Variants in TRPM6 observed in about 807,000 individuals in gnomAD.
The protein encoded by TRPM6 is transient receptor potential cation channel subfamily M member 6, also known as channel kinase 2.
TRPM6 carries 111 observed loss-of-function variants against 247.6 expected under a neutral mutation model. The ratio of observed to expected loss-of-function variants is 0.45; its 90% confidence interval spans 0.38 to 0.52. TRPM6 has a LOEUF of 0.52. TRPM6 is among the 20% of genes least tolerant of loss of function. The pLI, the probability that TRPM6 is intolerant of heterozygous loss-of-function variation, is 0.00. For synonymous variants in TRPM6, 892 were observed against 853.8 expected, an observed-to-expected ratio of 1.04 and a Z score of -0.78; for missense variants, 2,126 against 2,421.5, an observed-to-expected ratio of 0.88 and a Z score of 2.56.
chr9:74,779,990 G>A (rs897579092), intron 23 of TRPM6, among the ~76,000 whole-genome samples: 2 of 151,964 alleles, frequency 1.3e-5, no homozygotes, highest in African/African-American at 4.8e-5. Flanking sequence ...TGGCCAATAT[G>A]GTGAAACTCT....
intron 4 of TRPM6, among the ~76,000 whole-genome samples, chr9:74,840,975 C>A (rs79452307): frequency 0.014 from 2,188 of 152,168 alleles, 22 homozygotes; most frequent in Middle Eastern, 0.037. Flanking sequence ...AATGCTATGG[C>A]TTTCTGTTTA....
intron 1 of TRPM6, among the ~76,000 whole-genome samples, chr9:74,867,852 T>G (rs1353258975): frequency 7.5e-6 from 1 of 134,098 alleles, no homozygotes; most frequent in Non-Finnish European, 1.7e-5. Flanking sequence ...ATTCATTCAT[T>G]TAAAAAAAAA....
chr9:74,887,757 CG>C (rs1178340697), intron 1 of TRPM6, 66 bp downstream of exon 1: 1 of 1,613,764 alleles, frequency 6.2e-7, no homozygotes. Context: ...TATCTAAGGC[CG>C]GGGGCGCAGA....
intron 14 of TRPM6, chr9:74,804,481 C>G: frequency 1.5e-6 from 1 of 668,674 alleles, no homozygotes; most frequent in Non-Finnish European, 2.7e-6. Flanking sequence ...ATAAGCTTGC[C>G]TGATCTCTAT....
At position 74,808,118 on chromosome 9, in the gene TRPM6, T is replaced by C. The variant is rs371011034; in HGVS notation, c.1554A>G (p.Glu518=). ...TGCGATATGCTCTACCAATGAGGTA[T>C]TCTACTACTAATCCAATGTCAATCA... ...ITLIDIGLVV[E]YLIGRAYRSN... The change falls in exon 14 of 39, where the codon GAA becomes GAG. Residue 518 remains glutamate (E), a synonymous_variant. Transcript: ENST00000360774. 1.2e-5 allele frequency: 19 copies of C among 1,613,890 alleles called. No homozygotes were observed. The highest frequency in any genetic ancestry group is 1.5e-5 in the Non-Finnish European group (18 of 1,179,934).
At chr9:74,843,091 A>G (rs2118213571) in intron 3 of TRPM6, among the ~76,000 whole-genome samples, 1 of 152,300 alleles carries the variant, frequency 6.6e-6, no homozygotes, top group Non-Finnish European at 1.5e-5. Flanking sequence ...TCATATTCTA[A>G]ATCCTTTGTT....
chr9:74,749,486 T>C (rs1391061757), intron 30 of TRPM6, among the ~76,000 whole-genome samples: 2 of 152,172 alleles, frequency 1.3e-5, no homozygotes, highest in African/African-American at 4.8e-5. Flanking sequence ...AACTAAAGGA[T>C]TCCTGAACTA....
chr9:74,763,979 T>C (rs1348767255), intron 25 of TRPM6, among the ~76,000 whole-genome samples: 7 of 152,016 alleles, frequency 4.6e-5, no homozygotes, highest in Non-Finnish European at 8.8e-5. Context: ...TGAAATCCCA[T>C]CTCTACTAAA....
intron 1 of TRPM6, among the ~76,000 whole-genome samples, chr9:74,883,406 A>G (rs1831427098): frequency 1.3e-5 from 2 of 152,190 alleles, no homozygotes; most frequent in African/African-American, 4.8e-5. Context: ...AACCAAATTA[A>G]AGCTGAAACT....
intron 2 of TRPM6, among the ~76,000 whole-genome samples, chr9:74,855,780 A>T (rs1326258986): frequency 6.6e-6 from 1 of 152,208 alleles, no homozygotes; most frequent in Non-Finnish European, 1.5e-5. Context: ...TTTAGAACCA[A>T]AATACCTCAA....
intron 18 of TRPM6, 22 bp from the exon 19 acceptor site, chr9:74,792,792 A>G: frequency 6.2e-7 from 1 of 1,608,208 alleles, no homozygotes; most frequent in Non-Finnish European, 8.5e-7. Context: ...ACAAATAATC[A>G]TTTTCTTGTC....
intron 4 of TRPM6, among the ~76,000 whole-genome samples, chr9:74,841,244 T>C (rs1829929242): frequency 6.6e-6 from 1 of 152,204 alleles, no homozygotes; most frequent in Admixed American, 6.5e-5. Context: ...TTACCTAATA[T>C]TGTATTGCAC....
At chr9:74,861,653 A>G (rs1830692812) in intron 1 of TRPM6, among the ~76,000 whole-genome samples, 1 of 152,216 alleles carries the variant, frequency 6.6e-6, no homozygotes, top group South Asian at 2.1e-4. Context: ...TATTGAAAGG[A>G]TTAGATAAAG....
intron 33 of TRPM6, among the ~76,000 whole-genome samples, chr9:74,741,159 A>C (rs562705134): frequency 1.3e-4 from 20 of 152,288 alleles, no homozygotes; most frequent in African/African-American, 4.8e-4. Flanking sequence ...CTTAACTGCT[A>C]CATAGCTTCC....
At chr9:74,847,082 G>C (rs1222776076) in intron 3 of TRPM6, among the ~76,000 whole-genome samples, 1 of 152,162 alleles carries the variant, frequency 6.6e-6, no homozygotes, top group Non-Finnish European at 1.5e-5. Flanking sequence ...ATTAGGTGCT[G>C]CTATTCACAC....
chr9:74,826,219 T>C lies in TRPM6; in HGVS notation c.841+1559A>G, dbSNP rs147211147. Among the ~76,000 whole-genome samples, 322 of 152,352 alleles carry C rather than the reference T, an allele frequency of 2.1e-3. 6 individuals are homozygous for C. The highest frequency in any genetic ancestry group is 7.4e-3 in the African/African-American group (307 of 41,584). ...ACAACAAACGTTAGACGTAGATAGT[T>C]CTTTTCATTTTATAATAAGAAAACA... is the stretch of plus-strand genomic sequence containing the variant. On this transcript the variant is annotated intron_variant, in intron 7 of 38. Transcript: ENST00000360774.
At chr9:74,771,151 C>T (rs1301468921) in intron 25 of TRPM6, among the ~76,000 whole-genome samples, 1 of 152,180 alleles carries the variant, frequency 6.6e-6, no homozygotes, top group Non-Finnish European at 1.5e-5. Context: ...TTCCACCAGA[C>T]GCCCCTGCCT....
intron 31 of TRPM6, 151 bp from the exon 32 acceptor site, chr9:74,744,296 A>C: frequency 1.3e-6 from 1 of 765,388 alleles, no homozygotes; most frequent in Non-Finnish European, 2.3e-6. Context: ...TTTTAACCAC[A>C]GTATTGCGCA....
Position 74,835,858 on chromosome 9 carries a change from G to A in TRPM6, c.545-1736C>T, listed in dbSNP as rs7026319. The stretch of plus-strand genomic sequence containing the variant: ...AATGAAAAGTACAGAAAGTTCCCAT[G>A]CCATGCCCTGCTCCCACACAAACAC... On this transcript the variant is annotated intron_variant, in intron 5 of 38. Coordinates refer to ENST00000360774, the MANE Select transcript of TRPM6 (RefSeq NM_017662.5). 6.5e-3 allele frequency among the ~76,000 whole-genome samples: 987 copies of A among 152,168 alleles called. 13 individuals are homozygous for A. The highest frequency in any genetic ancestry group is 0.023 in the African/African-American group (954 of 41,502).
Sources: allele counts gnomAD v4.1 joint callset (sites outside exome capture counted in the v4.1 genomes callset), GRCh38; gene constraint gnomAD v4.1.1; transcripts MANE v1.5; gene names NCBI Gene and HGNC (gene_info 2026-07-23, HGNC 2026-07-21).